GALNT13: variants seen among roughly 807,000 people sequenced by gnomAD.
GALNT13 encodes UDP-GalNAc:polypeptide N-acetylgalactosaminyltransferase 13.
GALNT13 carries 28 observed loss-of-function variants against 64.2 expected under a neutral mutation model. That is an observed-to-expected ratio of 0.44 (90% CI 0.32 to 0.60). GALNT13 has a LOEUF of 0.60. Ranked by LOEUF, GALNT13 falls within the 20% of genes least tolerant of loss-of-function variation. GALNT13 has a pLI of 0.05. For missense variants in GALNT13, 577 were observed against 669.8 expected (o/e 0.86, Z 1.53); for synonymous variants, 214 against 224.6 (o/e 0.95, Z 0.42).
At chr2:153,247,689 G>C in the GALNT13 span, among the ~76,000 whole-genome samples, 1 of 98,460 alleles carries the variant, frequency 1.0e-5, no homozygotes, top group Non-Finnish European at 2.1e-5. Flanking sequence ...TCAAAAGCCA[G>C]CAGAATACAA....
At chr2:153,428,603 T>C in the GALNT13 span, among the ~76,000 whole-genome samples, 1 of 152,172 alleles carries the variant, frequency 6.6e-6, no homozygotes, top group Non-Finnish European at 1.5e-5. Context: ...GTGCTCCTTA[T>C]AAAGTTCCAG....
intron 10 of GALNT13, among the ~76,000 whole-genome samples, chr2:154,404,317 A>G (rs1209190909): frequency 6.6e-6 from 1 of 152,122 alleles, no homozygotes; most frequent in Non-Finnish European, 1.5e-5. Flanking sequence ...CAGCAATGAC[A>G]TTATGTGTGA....
chr2:153,267,832 C>T, the GALNT13 span, among the ~76,000 whole-genome samples: 2 of 152,194 alleles, frequency 1.3e-5, no homozygotes, highest in Admixed American at 6.5e-5. Context: ...CATCAGGCTG[C>T]AAATTTTCCA....
intron 3 of GALNT13, 82 bp from the exon 4 acceptor site, chr2:154,140,255 T>A: frequency 9.8e-7 from 1 of 1,017,300 alleles, no homozygotes. Context: ...TGCTTCAGAA[T>A]CTAATCAGAC....
At chr2:153,880,129 T>TAAGGC (rs1329949514) in intron 1 of GALNT13, among the ~76,000 whole-genome samples, 2 of 152,286 alleles carry the variant, frequency 1.3e-5, no homozygotes, top group East Asian at 3.9e-4. Flanking sequence ...CCTCATAAGA[T>TAAGGC]CTTTAAGTTA....
chr2:154,045,351 C>A (rs904654620), intron 3 of GALNT13, among the ~76,000 whole-genome samples: 1 of 152,000 alleles, frequency 6.6e-6, no homozygotes, highest in Non-Finnish European at 1.5e-5. Context: ...ATATAAGAGA[C>A]AAAGAATAAG....
At chr2:154,142,185 A>T (rs1237237997) in intron 4 of GALNT13, among the ~76,000 whole-genome samples, 2 of 152,178 alleles carry the variant, frequency 1.3e-5, no homozygotes, top group Admixed American at 1.3e-4. Flanking sequence ...GCTACATTAC[A>T]CTACTGTGTC....
At chr2:153,787,093 G>T in the GALNT13 span, among the ~76,000 whole-genome samples, 1 of 152,052 alleles carries the variant, frequency 6.6e-6, no homozygotes, top group Non-Finnish European at 1.5e-5. Flanking sequence ...TCCAAGTTGG[G>T]GAGAAAACAT....
At chr2:153,391,601 T>C in the GALNT13 span, among the ~76,000 whole-genome samples, 1 of 152,116 alleles carries the variant, frequency 6.6e-6, no homozygotes, top group Non-Finnish European at 1.5e-5. Context: ...AGCTCTGTGA[T>C]AGGGATTTTA....
At chr2:153,499,403 G>GT in the GALNT13 span, among the ~76,000 whole-genome samples, 7 of 152,116 alleles carry the variant, frequency 4.6e-5, no homozygotes, top group African/African-American at 7.2e-5. Context: ...AAAAAGTCCC[G>GT]TAAGTTCTCA....
upstream of GALNT13, among the ~76,000 whole-genome samples, chr2:153,867,794 T>C (rs1167395508): frequency 6.6e-6 from 1 of 151,950 alleles, no homozygotes; most frequent in Non-Finnish European, 1.5e-5. Flanking sequence ...TTCCCTCACA[T>C]GTGCAGTTCA....
At chr2:153,750,857 G>C in the GALNT13 span, among the ~76,000 whole-genome samples, 1 of 151,126 alleles carries the variant, frequency 6.6e-6, no homozygotes, top group Non-Finnish European at 1.5e-5. Context: ...CTAATTTTGG[G>C]TTTGGTTTGC....
At chr2:154,027,438 G>A (rs2105297159) in intron 3 of GALNT13, among the ~76,000 whole-genome samples, 2 of 152,232 alleles carry the variant, frequency 1.3e-5, no homozygotes, top group South Asian at 4.2e-4. Flanking sequence ...GATAGCATGA[G>A]ATTAGCAGGG....
At chr2:153,158,549 T>G in the GALNT13 span, among the ~76,000 whole-genome samples, 1 of 152,230 alleles carries the variant, frequency 6.6e-6, no homozygotes, top group East Asian at 1.9e-4. Context: ...ACGAGAGGAT[T>G]CAAGCAGAGA....
At chr2:153,932,279 A>C (rs1007782481) in intron 2 of GALNT13, among the ~76,000 whole-genome samples, 3 of 151,614 alleles carry the variant, frequency 2.0e-5, no homozygotes, top group Admixed American at 1.3e-4. Flanking sequence ...TCATATCTAA[A>C]TTTAATTTAG....
the GALNT13 span, among the ~76,000 whole-genome samples, chr2:153,673,464 A>T: frequency 1.4e-4 from 22 of 152,232 alleles, no homozygotes; most frequent in Non-Finnish European, 4.4e-5. Context: ...AAACCACATG[A>T]TTATCTCAAT....
chr2:153,621,110 C>T, the GALNT13 span, among the ~76,000 whole-genome samples: 1 of 152,050 alleles, frequency 6.6e-6, no homozygotes, highest in Non-Finnish European at 1.5e-5. Context: ...CCCAAACAAA[C>T]AGAGTCCGTC....
At chr2:153,300,738 CCA>C in the GALNT13 span, among the ~76,000 whole-genome samples, 4 of 151,950 alleles carry the variant, frequency 2.6e-5, no homozygotes, top group South Asian at 4.2e-4. Flanking sequence ...AGATTATGTA[CCA>C]TAACTGCCAA....
the GALNT13 span, among the ~76,000 whole-genome samples, chr2:153,200,749 G>C: frequency 6.6e-6 from 1 of 152,194 alleles, no homozygotes; most frequent in Non-Finnish European, 1.5e-5. Context: ...CCATGAGAAT[G>C]TTCTCTTCCA....
Sources: gnomAD v4.1 joint callset for allele counts (sites outside exome capture counted in the v4.1 genomes callset) on GRCh38, gnomAD v4.1.1 for gene constraint, MANE v1.5 for transcripts, NCBI Gene and HGNC (gene_info 2026-07-23, HGNC 2026-07-21) for gene names.